Variants in TNPO3 observed in about 807,000 individuals in gnomAD.
The protein encoded by TNPO3 is transportin 3.
In TNPO3, 65 loss-of-function variants were observed where a neutral mutation model predicts 122.8. That is an observed-to-expected ratio of 0.53 (90% CI 0.43 to 0.65). TNPO3 has a LOEUF of 0.65. Among genes scored for constraint, TNPO3 ranks in the 30% least tolerant of loss-of-function variants. The pLI, the probability that TNPO3 is intolerant of heterozygous loss-of-function variation, is 0.00. For synonymous variants in TNPO3, 372 were observed against 411.2 expected (o/e 0.90, Z 1.15); for missense variants, 850 against 1,136.7 (o/e 0.75, Z 3.63).
Position 129,017,388 on chromosome 7 carries a change from A to G in TNPO3, c.322-332T>C, listed in dbSNP as rs1803969077. ...ACAGAACTTCACAGACATATAAATT[A>G]TACTATGCCAAAGGTCAAAGCTACT... is the stretch of plus-strand genomic sequence containing the variant. On this transcript the variant is annotated intron_variant, in intron 2 of 22. Transcript: ENST00000265388. Among the ~76,000 whole-genome samples the G allele has an allele frequency of 3.9e-5, 6 of 152,242 alleles. No individual in the cohort carries two copies. The South Asian group carries it at 1.2e-3, about 31-fold the overall frequency.
chr7:129,018,581 GA>G (rs1804101077), intron 1 of TNPO3, among the ~76,000 whole-genome samples: 1 of 152,266 alleles, frequency 6.6e-6, no homozygotes, highest in East Asian at 1.9e-4. Flanking sequence ...ATTGAATCCA[GA>G]AGCTGTTTTA....
intron 1 of TNPO3, among the ~76,000 whole-genome samples, chr7:129,025,101 C>T (rs894815359): frequency 1.3e-5 from 2 of 152,092 alleles, no homozygotes; most frequent in Non-Finnish European, 2.9e-5. Flanking sequence ...GTAACCCCTG[C>T]ACTTTCGGAG....
chr7:128,994,220 C>T (rs986058705), intron 8 of TNPO3, among the ~76,000 whole-genome samples: 1 of 150,340 alleles, frequency 6.7e-6, no homozygotes. Flanking sequence ...TGCAGTGGTG[C>T]GATCTCTGCT....
chr7:128,969,499 T>C (rs1476083484), intron 20 of TNPO3, among the ~76,000 whole-genome samples: 2 of 152,118 alleles, frequency 1.3e-5, no homozygotes, highest in Admixed American at 1.3e-4. Context: ...TAAATTCCAT[T>C]TTAAAAATGA....
intron 10 of TNPO3, among the ~76,000 whole-genome samples, chr7:128,991,637 A>G (rs946406176): frequency 3.3e-5 from 5 of 152,240 alleles, no homozygotes; most frequent in African/African-American, 1.2e-4. Flanking sequence ...TCACAAAAGC[A>G]GGAAACCCAA....
intron 1 of TNPO3, among the ~76,000 whole-genome samples, chr7:129,052,020 G>GTAAAGGAATC (rs1401808377): frequency 3.9e-5 from 6 of 152,310 alleles, no homozygotes; most frequent in African/African-American, 7.2e-5. Context: ...GAATGAAGAG[G>GTAAAGGAATC]TAAAGGAATC....
At chr7:128,975,371 A>C (rs1798945657) in intron 17 of TNPO3, among the ~76,000 whole-genome samples, 2 of 152,218 alleles carry the variant, frequency 1.3e-5, no homozygotes, top group Non-Finnish European at 2.9e-5. Context: ...TCTTCAACTC[A>C]ATATTCCCCT....
intron 8 of TNPO3, among the ~76,000 whole-genome samples, chr7:128,995,983 G>A (rs1039904827): frequency 6.6e-6 from 1 of 152,232 alleles, no homozygotes; most frequent in Non-Finnish European, 1.5e-5. Flanking sequence ...ACAGGCATGA[G>A]CCACCACGCC....
At chr7:128,963,865 G>A (rs1220219569) in intron 21 of TNPO3, among the ~76,000 whole-genome samples, 1 of 152,178 alleles carries the variant, frequency 6.6e-6, no homozygotes, top group Non-Finnish European at 1.5e-5. Flanking sequence ...CCATAAAAGT[G>A]TAATTTATGC....
rs1051111765 is a variant in TNPO3, at chr7:128,989,050, C to A, written c.1498+911G>T. Among the ~76,000 whole-genome samples the A allele has an allele frequency of 3.3e-5, 5 of 151,920 alleles. No homozygotes were observed. In the East Asian group the frequency reaches 5.8e-4, roughly 18 times the overall value. Reference sequence around the variant, plus strand: ...TGAGATCAGGCCACTGCATTTCAGCCTGGGCAACAGAGCGAGACTCTATCT... The same window carrying A: ...TGAGATCAGGCCACTGCATTTCAGCATGGGCAACAGAGCGAGACTCTATCT... On this transcript the variant is annotated intron_variant, in intron 11 of 22. Coordinates refer to ENST00000265388, the MANE Select transcript of TNPO3 (RefSeq NM_012470.4).
rs1301780371 is a variant in TNPO3, at chr7:129,045,538, T to A, written c.120+9113A>T. ...TAAAATGCTAAATTTATGTTTTGAA[T>A]GTTTTGCCACAAAAAAAAAAAAATC... On this transcript the variant is annotated intron_variant, in intron 1 of 22. Coordinates refer to ENST00000265388, the MANE Select transcript of TNPO3 (RefSeq NM_012470.4). Among the ~76,000 whole-genome samples, 5 of 122,078 alleles carry A rather than the reference T, an allele frequency of 4.1e-5. No individual in the cohort carries two copies. In the East Asian group the frequency reaches 6.7e-4, roughly 16 times the overall value. 80.1% of individuals were successfully genotyped at this position (122,078 alleles called of 152,430 possible).
chr7:129,026,384 T>C (rs1584581160), intron 1 of TNPO3, among the ~76,000 whole-genome samples: 1 of 150,292 alleles, frequency 6.7e-6, no homozygotes, highest in Non-Finnish European at 1.5e-5. Flanking sequence ...GCTCCTTTGA[T>C]GACGTTTGAA....
intron 4 of TNPO3, among the ~76,000 whole-genome samples, chr7:129,005,691 G>A (rs890653754): frequency 2.0e-5 from 3 of 151,584 alleles, no homozygotes; most frequent in Non-Finnish European, 4.4e-5. Context: ...GGCCTCCCTA[G>A]AAGCAGAAGC....
At chr7:128,965,954 T>G (rs1019458857) in intron 21 of TNPO3, among the ~76,000 whole-genome samples, 8 of 152,212 alleles carry the variant, frequency 5.3e-5, no homozygotes, top group Admixed American at 3.9e-4. Context: ...TGTTGCTTAA[T>G]GGGTATAGTT....
intron 21 of TNPO3, among the ~76,000 whole-genome samples, chr7:128,963,859 A>G (rs1186017967): frequency 6.6e-6 from 1 of 152,248 alleles, no homozygotes; most frequent in African/African-American, 2.4e-5. Flanking sequence ...TTTTACCCAT[A>G]AAAGTGTAAT....
Position 129,054,988 on chromosome 7 carries a change from C to T in TNPO3, c.-218G>A. On this transcript the variant is annotated 5_prime_UTR_variant, in exon 1 of 23. Transcript: ENST00000265388. The stretch of plus-strand genomic sequence containing the variant: ...GTATTCAGGTTCCTGGCCTTTTTTC[C>T]GGTTTTTCCACTTGATTCTAGACTC... The T allele has an allele frequency of 1.8e-6, 1 of 568,456 alleles. No homozygotes were observed. Among genetic ancestry groups the T allele is most frequent in the Non-Finnish European group, 3.1e-6 (1 of 324,206 alleles). The allele number at this position is 568,456 out of a possible 1,614,324, so 35.2% of individuals were successfully genotyped here. A position where few individuals can be genotyped will look rare whatever the true frequency, so the allele number is the denominator to read the frequency against.
intron 1 of TNPO3, among the ~76,000 whole-genome samples, chr7:129,034,507 G>GAAAAC (rs1806335279): frequency 6.6e-6 from 1 of 151,688 alleles, no homozygotes; most frequent in Non-Finnish European, 1.5e-5. Flanking sequence ...CCCTGTCTTG[G>GAAAAC]AAAACAAAAC....
At chr7:129,008,921 A>G (rs1250456884) in intron 4 of TNPO3, among the ~76,000 whole-genome samples, 2 of 152,226 alleles carry the variant, frequency 1.3e-5, no homozygotes, top group African/African-American at 4.8e-5. Context: ...GAAAGACCAA[A>G]TTCTGAAAAA....
At chr7:129,034,578 G>A (rs1806346109) in intron 1 of TNPO3, among the ~76,000 whole-genome samples, 1 of 151,914 alleles carries the variant, frequency 6.6e-6, no homozygotes, top group African/African-American at 2.4e-5. Flanking sequence ...GAATTTCAAA[G>A]AGATCTGTCC....
Sources: allele counts gnomAD v4.1 joint callset (sites outside exome capture counted in the v4.1 genomes callset), GRCh38; gene constraint gnomAD v4.1.1; transcripts MANE v1.5; gene names NCBI Gene and HGNC (gene_info 2026-07-23, HGNC 2026-07-21).